The following SEMA4D variants were observed in gnomAD, a reference collection of about 807,000 sequenced individuals.
The protein encoded by SEMA4D is semaphorin 4D.
Under a neutral mutation model 74.8 loss-of-function variants are expected in SEMA4D, and 22 were observed. The observed-to-expected ratio is 0.29, with a 90% CI of 0.21 to 0.42. SEMA4D has a LOEUF of 0.42. Ranked by LOEUF, SEMA4D falls within the 10% of genes least tolerant of loss-of-function variation. SEMA4D has a pLI of 1.00. For missense variants in SEMA4D, 937 were observed against 1,118.4 expected, an observed-to-expected ratio of 0.84 and a Z score of 2.31; for synonymous variants, 445 against 463.7, an observed-to-expected ratio of 0.96 and a Z score of 0.52.
At chr9:89,434,737 G>A (rs1252806419) in intron 2 of SEMA4D, among the ~76,000 whole-genome samples, 1 of 152,190 alleles carries the variant, frequency 6.6e-6, no homozygotes, top group Non-Finnish European at 1.5e-5. Flanking sequence ...AGGGATGAGG[G>A]ATGCCCCAAG....
At chr9:89,372,010 G>T (rs1459136253) in intron 16 of SEMA4D, among the ~76,000 whole-genome samples, 1 of 55,980 alleles carries the variant, frequency 1.8e-5, no homozygotes, top group Non-Finnish European at 3.7e-5. Flanking sequence ...CTGGGGTGTG[G>T]TGTGTGTCTG....
chr9:89,387,212 G>C, intron 12 of SEMA4D, 174 bp downstream of exon 12: 3 of 585,514 alleles, frequency 5.1e-6, no homozygotes, highest in Non-Finnish European at 9.0e-6. Flanking sequence ...AGATCTGAAA[G>C]CCACCTGGTG....
chr9:89,382,010 C>T (rs547028740), intron 13 of SEMA4D, among the ~76,000 whole-genome samples: 3 of 152,360 alleles, frequency 2.0e-5, no homozygotes, highest in South Asian at 2.1e-4. Context: ...AGTCAACCTC[C>T]GAGCTCCAGA....
chr9:89,382,404 C>T (rs965025527), intron 13 of SEMA4D, among the ~76,000 whole-genome samples: 1 of 152,222 alleles, frequency 6.6e-6, no homozygotes, highest in Non-Finnish European at 1.5e-5. Flanking sequence ...TCAGAGGATA[C>T]GCTCGGAGTC....
chr9:89,485,655 G>A (rs1339027862), intron 1 of SEMA4D, among the ~76,000 whole-genome samples: 1 of 151,952 alleles, frequency 6.6e-6, no homozygotes. Flanking sequence ...GGGCATGGTG[G>A]CGCATGCCTG....
At chr9:89,448,131 T>C (rs991206682) in intron 2 of SEMA4D, among the ~76,000 whole-genome samples, 2 of 152,186 alleles carry the variant, frequency 1.3e-5, no homozygotes, top group African/African-American at 2.4e-5. Context: ...CATTTCACCA[T>C]GCCTGGCTGA....
intron 3 of SEMA4D, among the ~76,000 whole-genome samples, chr9:89,404,645 A>T (rs13296564): frequency 1.1e-3 from 55 of 50,378 alleles, no homozygotes; most frequent in Middle Eastern, 0.017. Flanking sequence ...CCCCATCCCG[A>T]CCTCAGCCAC....
intron 2 of SEMA4D, among the ~76,000 whole-genome samples, chr9:89,437,073 G>A (rs1019986756): frequency 6.6e-6 from 1 of 152,248 alleles, no homozygotes; most frequent in African/African-American, 2.4e-5. Flanking sequence ...CATGCACAGA[G>A]CTGCTGGACA....
intron 16 of SEMA4D, among the ~76,000 whole-genome samples, chr9:89,371,062 GT>G: frequency 9.0e-6 from 1 of 110,692 alleles, no homozygotes; most frequent in Non-Finnish European, 1.9e-5. Context: ...GTATGTGTAT[GT>G]CTGGGGTGTG....
Position 89,450,660 on chromosome 9 carries a change from G to GGAAAAAAAAAAAAAAAAAAAAA in SEMA4D, c.-244+5227_-244+5228insTTTTTTTTTTTTTTTTTTTTTC, listed in dbSNP as rs1491451024. The GGAAAAAAAAAAAAAAAAAAAAA allele has an allele frequency of 2.1e-4, 92 of 430,452 alleles. 10 individuals are homozygous for GGAAAAAAAAAAAAAAAAAAAAA. Among genetic ancestry groups the GGAAAAAAAAAAAAAAAAAAAAA allele is most frequent in the African/African-American group, 6.1e-4 (11 of 18,134 alleles). 26.7% of individuals were successfully genotyped at this position (430,452 alleles called of 1,614,324 possible). A position where few individuals can be genotyped will look rare whatever the true frequency, so the allele number is the denominator to read the frequency against. On this transcript the variant is annotated intron_variant, in intron 2 of 15. Coordinates refer to ENST00000422704, the MANE Select transcript of SEMA4D (RefSeq NM_001371194.2). ...GAGTTCTGCAAGTCGAAAAACCCAG[G>GGAAAAAAAAAAAAAAAAAAAAA]AAAAAAAAAAAAAAAAAAAAAAAAA...
intron 2 of SEMA4D, 129 bp from the exon 3 acceptor site, chr9:89,405,828 C>A (rs58871920): frequency 2.3e-6 from 3 of 1,286,612 alleles, no homozygotes; most frequent in African/African-American, 3.0e-5. Flanking sequence ...CGGAAGGCAG[C>A]GGGGGACAAA....
intron 2 of SEMA4D, among the ~76,000 whole-genome samples, chr9:89,411,096 G>T (rs1385033694): frequency 2.0e-5 from 3 of 152,198 alleles, no homozygotes; most frequent in Non-Finnish European, 2.9e-5. Flanking sequence ...GAGAGAGCGG[G>T]GAGCTGGGGA....
At chr9:89,457,640 G>A (rs1294285504) in intron 1 of SEMA4D, among the ~76,000 whole-genome samples, 1 of 152,062 alleles carries the variant, frequency 6.6e-6, no homozygotes, top group African/African-American at 2.4e-5. Context: ...GCTGAGGTGG[G>A]AGGATTGCTT....
At position 89,479,589 on chromosome 9, in the gene SEMA4D, C is replaced by A. The variant is rs149508795; in HGVS notation, c.-310+18330G>T. Reference sequence around the variant, plus strand: ...GCTCTTACGGTGGCGCGTCTGGAGTCTGTCCCTTCTGATGTTCAGATGTGT... The same window carrying A: ...GCTCTTACGGTGGCGCGTCTGGAGTATGTCCCTTCTGATGTTCAGATGTGT... On this transcript the variant is annotated intron_variant, in intron 1 of 15. Coordinates refer to ENST00000422704, the MANE Select transcript of SEMA4D (RefSeq NM_001371194.2). 4.9e-3 allele frequency: 852 copies of A among 173,498 alleles called. 4 individuals are homozygous for A. The highest frequency in any genetic ancestry group is 0.02 in the African/African-American group (805 of 41,034). 10.7% of individuals were successfully genotyped at this position (173,498 alleles called of 1,614,324 possible).
chr9:89,386,477 C>T lies in SEMA4D; in HGVS notation c.1336G>A (p.Gly446Arg). Residue 446 changes from glycine (G) to arginine (R), a missense_variant, in exon 13 of 16, where the codon GGA (glycine) becomes AGA (arginine). By Grantham distance (125) the Gly-to-Arg change is moderately radical (BLOSUM62 -2). Coordinates refer to ENST00000422704, the MANE Select transcript of SEMA4D (RefSeq NM_001371194.2). ...YDVMFVSTDR[G>R]ALHKAISLEH... is the part of the protein sequence containing the mutation. The stretch of plus-strand genomic sequence containing the variant: ...AGGCTGATGGCTTTGTGCAGAGCTC[C>T]CCGGTCTGCAGGGCCAAAGCTACAG... 6.2e-7 allele frequency: 1 copy of T among 1,611,356 alleles called. No homozygotes were observed. Among genetic ancestry groups the T allele is most frequent in the East Asian group, 2.2e-5 (1 of 44,876 alleles).
chr9:89,438,025 G>A (rs1444505002), intron 2 of SEMA4D, among the ~76,000 whole-genome samples: 1 of 152,206 alleles, frequency 6.6e-6, no homozygotes, highest in Non-Finnish European at 1.5e-5. Flanking sequence ...AGAAGGGCAG[G>A]GCCATCTCAG....
chr9:89,410,279 T>C (rs571960961), intron 2 of SEMA4D, among the ~76,000 whole-genome samples: 6 of 152,240 alleles, frequency 3.9e-5, no homozygotes, highest in Non-Finnish European at 7.3e-5. Context: ...ATGCACACGA[T>C]ACTAGAAAGG....
At chr9:89,466,525 T>C (rs992757340) in intron 1 of SEMA4D, among the ~76,000 whole-genome samples, 2 of 152,182 alleles carry the variant, frequency 1.3e-5, no homozygotes, top group African/African-American at 4.8e-5. Flanking sequence ...GCCCATGACC[T>C]CTGTGAGTGA....
chr9:89,464,539 C>A (rs1231394100), intron 1 of SEMA4D, among the ~76,000 whole-genome samples: 1 of 152,150 alleles, frequency 6.6e-6, no homozygotes, highest in African/African-American at 2.4e-5. Flanking sequence ...GGGTGCAACA[C>A]CCCAGCTAGG....
Sources: gnomAD v4.1 joint callset for allele counts (sites outside exome capture counted in the v4.1 genomes callset) on GRCh38, gnomAD v4.1.1 for gene constraint, MANE v1.5 for transcripts, NCBI Gene and HGNC (gene_info 2026-07-23, HGNC 2026-07-21) for gene names.